Variants in OTUD7A observed in about 807,000 individuals in gnomAD.
The protein encoded by OTUD7A is OTU deubiquitinase 7A, also known as OTU domain-containing protein 7A.
OTUD7A carries 12 observed loss-of-function variants against 65.7 expected under a neutral mutation model. The observed-to-expected ratio is 0.18, with a 90% confidence interval of 0.12 to 0.30. The LOEUF (loss-of-function observed/expected upper bound fraction) is 0.30, where lower values mean the gene tolerates loss of function less well. Ranked by LOEUF, OTUD7A falls within the 10% of genes least tolerant of loss-of-function variation. The pLI is 1.00. For missense variants in OTUD7A, 1,148 were observed against 1,304.8 expected (o/e 0.88, Z 1.85); for synonymous variants, 641 against 586.3 (o/e 1.09, Z -1.35).
chr15:31,742,369 A>C (rs907633225), intron 1 of OTUD7A, among the ~76,000 whole-genome samples: 1 of 152,148 alleles, frequency 6.6e-6, no homozygotes, highest in African/African-American at 2.4e-5. Context: ...ACACTACAAT[A>C]TTTGCCACAT....
At chr15:31,808,802 C>G (rs1352783324) in intron 1 of OTUD7A, among the ~76,000 whole-genome samples, 4 of 152,212 alleles carry the variant, frequency 2.6e-5, no homozygotes, top group African/African-American at 7.2e-5. Flanking sequence ...AAAGTGTGGA[C>G]TTCATTTAGC....
chr15:31,777,706 A>C (rs953948244), intron 1 of OTUD7A, among the ~76,000 whole-genome samples: 2 of 152,152 alleles, frequency 1.3e-5, no homozygotes, highest in Non-Finnish European at 2.9e-5. Flanking sequence ...ATGCACATGG[A>C]AGAGATCTCA....
At chr15:31,634,474 A>T (rs12914768) in intron 3 of OTUD7A, among the ~76,000 whole-genome samples, 27 of 151,952 alleles carry the variant, frequency 1.8e-4, no homozygotes, top group Non-Finnish European at 3.7e-4. Context: ...CCTGCCAGCA[A>T]GCCACAGCAC....
At chr15:31,534,491 A>G (rs1182931469) in intron 5 of OTUD7A, among the ~76,000 whole-genome samples, 1 of 152,244 alleles carries the variant, frequency 6.6e-6, no homozygotes, top group African/African-American at 2.4e-5. Context: ...AGACTAGGAA[A>G]AAGACAAAGA....
intron 3 of OTUD7A, among the ~76,000 whole-genome samples, chr15:31,646,019 T>A (rs1891650534): frequency 6.6e-6 from 1 of 152,200 alleles, no homozygotes; most frequent in African/African-American, 2.4e-5. Flanking sequence ...TCCTGCCTAA[T>A]CAAAGAAAAT....
intron 1 of OTUD7A, among the ~76,000 whole-genome samples, chr15:31,803,891 T>A (rs931162087): frequency 6.6e-6 from 1 of 152,130 alleles, no homozygotes; most frequent in Non-Finnish European, 1.5e-5. Context: ...TAAGTTCTCA[T>A]CCCAGCTGAG....
intron 5 of OTUD7A, among the ~76,000 whole-genome samples, chr15:31,550,150 C>T (rs1406892177): frequency 6.6e-6 from 1 of 150,944 alleles, no homozygotes; most frequent in Non-Finnish European, 1.5e-5. Flanking sequence ...ATCCTGAGAT[C>T]ACGGGAAACT....
intron 1 of OTUD7A, among the ~76,000 whole-genome samples, chr15:31,694,923 G>A (rs574134169): frequency 4.0e-4 from 61 of 151,588 alleles, no homozygotes; most frequent in African/African-American, 1.3e-3. Context: ...TCGGCTCACT[G>A]CAAGCTCCGC....
intron 1 of OTUD7A, among the ~76,000 whole-genome samples, chr15:31,791,178 C>T (rs1048463651): frequency 1.3e-5 from 2 of 152,054 alleles, no homozygotes; most frequent in Non-Finnish European, 2.9e-5. Flanking sequence ...AGGTACATGC[C>T]ACCATTCCCA....
intron 1 of OTUD7A, among the ~76,000 whole-genome samples, chr15:31,805,644 G>T (rs923878547): frequency 2.0e-5 from 3 of 152,198 alleles, no homozygotes; most frequent in Non-Finnish European, 2.9e-5. Flanking sequence ...ATCACATTCA[G>T]TGCCTTTACT....
intron 1 of OTUD7A, among the ~76,000 whole-genome samples, chr15:31,772,169 G>A (rs1035465057): frequency 1.3e-4 from 20 of 148,536 alleles, no homozygotes; most frequent in Non-Finnish European, 2.5e-4. Flanking sequence ...GGAGAATGGC[G>A]TGAACCCGGG....
chr15:31,751,408 A>G (rs1383504303), intron 1 of OTUD7A, among the ~76,000 whole-genome samples: 1 of 152,198 alleles, frequency 6.6e-6, no homozygotes, highest in Non-Finnish European at 1.5e-5. Context: ...TTAAAAATCC[A>G]AACAATAACA....
intron 3 of OTUD7A, among the ~76,000 whole-genome samples, chr15:31,618,902 T>C (rs1890682604): frequency 6.6e-6 from 1 of 152,168 alleles, no homozygotes; most frequent in Admixed American, 6.5e-5. Flanking sequence ...GTTTTTATGG[T>C]TTTAGGTCTA....
chr15:31,607,726 A>G (rs2141218521), intron 3 of OTUD7A, among the ~76,000 whole-genome samples: 1 of 152,318 alleles, frequency 6.6e-6, no homozygotes, highest in South Asian at 2.1e-4. Flanking sequence ...ACAATTACCT[A>G]CGGTACTGAG....
At chr15:31,669,970 C>T (rs1050235119) in intron 1 of OTUD7A, among the ~76,000 whole-genome samples, 3 of 141,552 alleles carry the variant, frequency 2.1e-5, no homozygotes, top group African/African-American at 8.5e-5. Flanking sequence ...TTTCCACTTC[C>T]GCAGGTGAGC....
intron 3 of OTUD7A, among the ~76,000 whole-genome samples, chr15:31,629,880 A>G (rs1000952624): frequency 2.6e-5 from 4 of 152,174 alleles, no homozygotes; most frequent in African/African-American, 9.7e-5. Flanking sequence ...TTATTTGTGT[A>G]GAAGTGTTTG....
At chr15:31,728,949 C>T (rs2141358287) in intron 1 of OTUD7A, among the ~76,000 whole-genome samples, 1 of 152,324 alleles carries the variant, frequency 6.6e-6, no homozygotes, top group East Asian at 1.9e-4. Context: ...TACAGTAGTC[C>T]TGCCTTATCT....
chr15:31,864,195 CT>C (rs1897817819), intron 1 of OTUD7A, among the ~76,000 whole-genome samples: 1 of 152,210 alleles, frequency 6.6e-6, no homozygotes, highest in Non-Finnish European at 1.5e-5. Flanking sequence ...AGATTCCAAA[CT>C]TTCCCACATT....
chr15:31,793,710 A>G (rs1895878903), intron 1 of OTUD7A, among the ~76,000 whole-genome samples: 2 of 152,214 alleles, frequency 1.3e-5, no homozygotes, highest in Non-Finnish European at 2.9e-5. Flanking sequence ...ATTGCCTTCC[A>G]TTGCACACTT....
Sources: allele counts gnomAD v4.1 joint callset (sites outside exome capture counted in the v4.1 genomes callset), GRCh38; gene constraint gnomAD v4.1.1; transcripts MANE v1.5; gene names NCBI Gene and HGNC (gene_info 2026-07-23, HGNC 2026-07-21).